DYSF: variants seen among roughly 807,000 people sequenced by gnomAD.
The protein encoded by DYSF is dystrophy-associated fer-1-like 1.
Under a neutral mutation model 274.9 loss-of-function variants are expected in DYSF, and 212 were observed. That is an observed-to-expected ratio of 0.77 (90% confidence interval 0.69 to 0.86). The LOEUF is 0.86. Ranked by LOEUF, DYSF falls within the 40% of genes least tolerant of loss-of-function variation. The probability of loss-of-function intolerance (pLI) is 0.00; values close to 1 mark genes in which losing one functional copy is unlikely to be tolerated. For missense variants in DYSF, 2,666 were observed against 2,783.2 expected (o/e 0.96, Z 0.95); for synonymous variants, 1,091 against 1,078.7 (o/e 1.01, Z -0.22).
chr2:71,620,630 T>G, intron 41 of DYSF, 21 bp downstream of exon 41: 1 of 1,514,696 alleles, frequency 6.6e-7, no homozygotes. Flanking sequence ...TTTACTTATT[T>G]GTGGGCTCCT....
At chr2:71,619,456 C>T (rs1435357278) in intron 40 of DYSF, among the ~76,000 whole-genome samples, 1 of 152,142 alleles carries the variant, frequency 6.6e-6, no homozygotes, top group Non-Finnish European at 1.5e-5. Context: ...CCTCCTGGGC[C>T]CAGCAGGGCT....
At chr2:71,594,464 C>G (rs576521264) in intron 32 of DYSF, among the ~76,000 whole-genome samples, 2 of 152,128 alleles carry the variant, frequency 1.3e-5, no homozygotes, top group Non-Finnish European at 2.9e-5. Context: ...AGGGAGGGAG[C>G]CTGTTTAATC....
At chr2:71,684,752 A>G (rs536765732) in intron 55 of DYSF, among the ~76,000 whole-genome samples, 13 of 152,322 alleles carry the variant, frequency 8.5e-5, no homozygotes, top group African/African-American at 3.1e-4. Context: ...ATGTAGGCAC[A>G]TGATGGTTGG....
At chr2:71,656,043 C>G (rs781502536) in intron 42 of DYSF, 119 bp from the exon 43 acceptor site, 2 of 1,301,966 alleles carry the variant, frequency 1.5e-6, no homozygotes, top group Non-Finnish European at 2.2e-6. Context: ...TCTTCCTTCT[C>G]TCTCTTTATT....
chr2:71,523,948 A>T (rs1573727011), intron 12 of DYSF, among the ~76,000 whole-genome samples: 1 of 152,184 alleles, frequency 6.6e-6, no homozygotes, highest in African/African-American at 2.4e-5. Flanking sequence ...GATCCTTAGC[A>T]TGACATTCAA....
chr2:71,458,727 C>T (rs769081501), intron 1 of DYSF, among the ~76,000 whole-genome samples: 1 of 152,282 alleles, frequency 6.6e-6, no homozygotes, highest in South Asian at 2.1e-4. Context: ...GCAGAGAGAG[C>T]GTTCACATCT....
intron 1 of DYSF, among the ~76,000 whole-genome samples, chr2:71,470,755 T>C (rs2081967093): frequency 1.4e-5 from 2 of 145,354 alleles, no homozygotes; most frequent in East Asian, 2.1e-4. Flanking sequence ...CTTCCTTCCT[T>C]CCTTCCTTCC....
chr2:71,473,023 C>T (rs548115822), intron 1 of DYSF, among the ~76,000 whole-genome samples: 2 of 152,324 alleles, frequency 1.3e-5, no homozygotes, highest in South Asian at 4.1e-4. Flanking sequence ...GTGCATTTCA[C>T]CCTGGCTCCC....
rs886043339 is a variant in DYSF, at chr2:71,669,150, T to C, written c.5585T>C (p.Val1862Ala). The C allele has an allele frequency of 6.2e-7, 1 of 1,610,072 alleles. No homozygotes were observed. Among genetic ancestry groups the C allele is most frequent in the Admixed American group, 1.7e-5 (1 of 59,488 alleles). Reference protein sequence around the residue: ...LRCIIWNTRDVILDDLSLTGE... With the variant: ...LRCIIWNTRDAILDDLSLTGE... ...TGTATTATCTGGAATACCAGAGATG[T>C]GATCCTGGATGACCTGAGCCTCACG... The change falls in exon 50 of 56, where the codon GTG (valine) becomes GCG (alanine). Residue 1862 changes from valine (V) to alanine (A), a missense_variant. Physicochemically the swap from Val to Ala is moderately conservative, Grantham distance 64. Transcript: ENST00000410020.
chr2:71,652,020 A>T (rs2094672812), intron 42 of DYSF, among the ~76,000 whole-genome samples: 1 of 151,928 alleles, frequency 6.6e-6, no homozygotes, highest in Non-Finnish European at 1.5e-5. Context: ...TCTCAAGCTA[A>T]CAGCCAACAT....
intron 23 of DYSF, among the ~76,000 whole-genome samples, 183 bp from the exon 24 acceptor site, chr2:71,563,875 C>T (rs999230831): frequency 1.3e-5 from 2 of 152,238 alleles, no homozygotes; most frequent in Non-Finnish European, 2.9e-5. Flanking sequence ...CACCGCCACT[C>T]AAGCCAGACA....
intron 1 of DYSF, among the ~76,000 whole-genome samples, chr2:71,477,252 A>G (rs1249607754): frequency 6.6e-6 from 1 of 152,122 alleles, no homozygotes; most frequent in Non-Finnish European, 1.5e-5. Flanking sequence ...GAGAGGGTGC[A>G]ACATCGCATG....
At chr2:71,625,353 C>T (rs531334324) in intron 41 of DYSF, among the ~76,000 whole-genome samples, 27 of 152,200 alleles carry the variant, frequency 1.8e-4, no homozygotes, top group Middle Eastern at 3.4e-3. Flanking sequence ...ATTGATTTTG[C>T]GTGCGTGTTA....
At position 71,664,336 on chromosome 2, in the gene DYSF, T is replaced by C; in HGVS notation, c.5072T>C (p.Leu1691Pro). ...DLKITLYDYDLLSKDEKIGET... is the reference protein window; with the variant it reads ...DLKITLYDYDPLSKDEKIGET... ...AAGATCACTCTCTATGACTATGACC[T>C]CCTCTCCAAGGACGAAAAGATCGGT... The change falls in exon 46 of 56, where the codon CTC (leucine) becomes CCC (proline). Residue 1691 changes from leucine to proline, a missense_variant. Transcript: ENST00000410020. The C allele has an allele frequency of 1.2e-6, 2 of 1,614,150 alleles. No individual in the cohort carries two copies. Among genetic ancestry groups the C allele is most frequent in the Non-Finnish European group, 1.7e-6 (2 of 1,180,026 alleles).
chr2:71,507,346 G>A (rs542451710), intron 4 of DYSF, among the ~76,000 whole-genome samples: 2 of 152,344 alleles, frequency 1.3e-5, no homozygotes, highest in South Asian at 4.1e-4. Flanking sequence ...CAGCTCAATG[G>A]GGTCCACTCA....
rs2081557399 is a variant in DYSF, at chr2:71,466,717, A to G, written c.-126A>G. 4 of 1,393,070 alleles carry G rather than the reference A, an allele frequency of 2.9e-6. No homozygotes were observed. Among genetic ancestry groups the G allele is most frequent in the Non-Finnish European group, 3.7e-6 (4 of 1,072,822 alleles). The allele number at this position is 1,393,070 out of a possible 1,614,324, so 86.3% of individuals were successfully genotyped here. ...ATTGGTCACTTCTCCGCGGAGGAGC[A>G]GCGAAGGCGACAGCTCTCTTGGCGC... On this transcript the variant is annotated 5_prime_UTR_variant, in exon 1 of 56. Coordinates refer to ENST00000410020, the MANE Select transcript of DYSF (RefSeq NM_001130987.2).
chr2:71,586,125 G>C (rs928747183), intron 30 of DYSF, among the ~76,000 whole-genome samples: 2 of 152,200 alleles, frequency 1.3e-5, no homozygotes, highest in African/African-American at 4.8e-5. Context: ...TCTGCTCCCA[G>C]GGTCTAATGG....
rs2152961436 is a variant in DYSF, at chr2:71,674,288, A to G, written c.5876A>G (p.Asp1959Gly). The change falls in exon 52 of 56, where the codon GAT (aspartate) becomes GGT (glycine). Residue 1959 changes from aspartate (D) to glycine (G), a missense_variant. Around this residue, in one of 3 missense-constraint regions of DYSF, gnomAD observed 1,460 missense variants for 1,502.1 expected, o/e 0.97. Transcript: ENST00000410020. ...IWDNDKFSFD[D>G]FLGSLQLDLN... is the part of the protein sequence containing the mutation. ...GACAATGACAAGTTCTCCTTTGATG[A>G]TTTTCTGGGTAAGCGCTATTGCTAG... The G allele has an allele frequency of 1.2e-6, 2 of 1,614,144 alleles. No homozygotes were observed. The highest frequency in any genetic ancestry group is 1.7e-6 in the Non-Finnish European group (2 of 1,180,012).
Position 71,568,339 on chromosome 2 carries a change from G to A in DYSF, c.2864+1G>A, listed in dbSNP as rs199954546. On this transcript the variant is annotated splice_donor_variant, in intron 26 of 55. Coordinates refer to ENST00000410020, the MANE Select transcript of DYSF (RefSeq NM_001130987.2). LOFTEE classifies it high-confidence loss of function. ...ATTGGTTCGTGTGTCCGGAGAAGAC[G>A]TGAGTCGTGGGCAGGGAGGGCTGGG... The A allele has an allele frequency of 4.3e-6, 7 of 1,613,906 alleles. No homozygotes were observed. The highest frequency in any genetic ancestry group is 2.2e-5 in the East Asian group (1 of 44,864).
Sources: gnomAD v4.1 joint callset for allele counts (sites outside exome capture counted in the v4.1 genomes callset) on GRCh38, gnomAD v4.1.1 for gene constraint, gnomAD v4.1.1 regional missense constraint, MANE v1.5 for transcripts, NCBI Gene and HGNC (gene_info 2026-07-23, HGNC 2026-07-21) for gene names.